The following MPDZ variants were observed in gnomAD, a reference collection of about 807,000 sequenced individuals.
MPDZ encodes multiple PDZ domain crumbs cell polarity complex component.
In MPDZ, 234 loss-of-function variants were observed where a neutral mutation model predicts 239.1. That is an observed-to-expected ratio of 0.98 (90% CI 0.88 to 1.09). The LOEUF (loss-of-function observed/expected upper bound fraction) is 1.09. Ranked by LOEUF, MPDZ falls within the 50% of genes least tolerant of loss-of-function variation. The pLI is 0.00. For missense variants in MPDZ, 3,175 were observed against 2,510.0 expected, an observed-to-expected ratio of 1.26 and a Z score of -5.66; for synonymous variants, 1,048 against 881.3, an observed-to-expected ratio of 1.19 and a Z score of -3.35.
intron 19 of MPDZ, among the ~76,000 whole-genome samples, chr9:13,182,207 T>G (rs1037109042): frequency 3.9e-5 from 6 of 152,064 alleles, no homozygotes; most frequent in African/African-American, 1.4e-4. Context: ...AAAATACATA[T>G]TTCGTATATT....
At chr9:13,119,354 G>A in intron 39 of MPDZ, 148 bp downstream of exon 39, 1 of 936,656 alleles carries the variant, frequency 1.1e-6, no homozygotes, top group Non-Finnish European at 1.5e-6. Context: ...CAAAATGCTG[G>A]GATTATAGGC....
intron 13 of MPDZ, 33 bp from the exon 14 acceptor site, chr9:13,193,346 T>A: frequency 6.4e-7 from 1 of 1,563,538 alleles, no homozygotes; most frequent in Non-Finnish European, 8.6e-7. Flanking sequence ...CACCACAATT[T>A]TTATATTCTT....
intron 13 of MPDZ, among the ~76,000 whole-genome samples, chr9:13,194,349 T>C (rs1003725378): frequency 1.3e-5 from 2 of 151,876 alleles, no homozygotes; most frequent in African/African-American, 4.8e-5. Context: ...ATATACACCA[T>C]GGAATACTAC....
chr9:13,144,414 TA>T (rs767815432), intron 26 of MPDZ, among the ~76,000 whole-genome samples: 55 of 149,522 alleles, frequency 3.7e-4, no homozygotes, highest in East Asian at 9.8e-4. Flanking sequence ...TTTCATAGTT[TA>T]AAAAAAAAAG....
rs143933674 is a variant in MPDZ, at chr9:13,216,059, T to A, written c.1290+715A>T. ...CTGTCTTCAATTTTTCTATGTGCAC[T>A]GTGAATTCATACAAGACTATATTGT... On this transcript the variant is annotated intron_variant, in intron 10 of 46. Coordinates refer to ENST00000319217, the MANE Select transcript of MPDZ (RefSeq NM_001378778.1). Among the ~76,000 whole-genome samples, 283 of 150,080 alleles carry A rather than the reference T, an allele frequency of 1.9e-3. 1 individual carries two copies. The highest frequency in any genetic ancestry group is 6.7e-3 in the African/African-American group (275 of 41,070).
chr9:13,268,582 G>C (rs1180595139), intron 1 of MPDZ, among the ~76,000 whole-genome samples: 1 of 152,122 alleles, frequency 6.6e-6, no homozygotes, highest in African/African-American at 2.4e-5. Flanking sequence ...TCCGAGTACA[G>C]AGGAATTCAA....
chr9:13,279,201 G>C (rs1175596614), intron 1 of MPDZ, 199 bp downstream of exon 1: 2 of 145,430 alleles, frequency 1.4e-5, no homozygotes, highest in Non-Finnish European at 3.1e-5. Context: ...GGGCCGCGCG[G>C]GGTGGGGCAA....
chr9:13,192,204 C>T lies in MPDZ; in HGVS notation c.1895G>A (p.Arg632His), dbSNP rs950413889. 8 of 1,610,554 alleles carry T rather than the reference C, an allele frequency of 5.0e-6. No homozygotes were observed. Among genetic ancestry groups the T allele is most frequent in the South Asian group, 1.1e-5 (1 of 90,410 alleles). The change falls in exon 15 of 47, where the codon CGT (arginine) becomes CAT (histidine). Residue 632 changes from arginine (R) to histidine (H), a missense_variant. Physicochemically the swap from Arg to His is conservative, Grantham distance 29 (BLOSUM62 0). Coordinates refer to ENST00000319217, the MANE Select transcript of MPDZ (RefSeq NM_001378778.1). ...LPIEVTMVCC[R>H]RTVPPTTQSE... ...TTGGGTGGTGGGTGGCACAGTTCGA[C>T]GACAGCACACCATTGTCACTTCTAT...
chr9:13,124,574 A>T (rs1016564704), intron 35 of MPDZ, among the ~76,000 whole-genome samples: 1 of 152,186 alleles, frequency 6.6e-6, no homozygotes, highest in Non-Finnish European at 1.5e-5. Context: ...CAAAGGAATA[A>T]TGTACCTCCA....
chr9:13,198,737 CTGTGTG>C (rs1554691393), intron 12 of MPDZ, among the ~76,000 whole-genome samples: 19 of 69,754 alleles, frequency 2.7e-4, no homozygotes, highest in African/African-American at 5.0e-4. Context: ...ATCTCTCTCT[CTGTGTG>C]TGTGTGTGTG....
chr9:13,253,535 C>A (rs1052147040), intron 1 of MPDZ, among the ~76,000 whole-genome samples: 1 of 152,084 alleles, frequency 6.6e-6, no homozygotes, highest in Non-Finnish European at 1.5e-5. Context: ...CCACGAATTC[C>A]TCTTGTCACC....
intron 23 of MPDZ, among the ~76,000 whole-genome samples, chr9:13,158,479 A>C (rs1243780480): frequency 6.6e-6 from 1 of 152,180 alleles, no homozygotes; most frequent in Admixed American, 6.6e-5. Flanking sequence ...GCAGGAAGCT[A>C]GAAGCACCAT....
chr9:13,216,986 G>T lies in MPDZ; in HGVS notation c.1202-124C>A, dbSNP rs140422846. ...TACGTATCATCTAGTAGAAACACAG[G>T]CTAAAGAATAAGATAATTGTTTTGT... On this transcript the variant is annotated intron_variant, in intron 9 of 46. Transcript: ENST00000319217. 1,226 of 809,250 alleles carry T rather than the reference G, an allele frequency of 1.5e-3. 14 individuals are homozygous for T. In the African/African-American group the frequency reaches 0.017, roughly 11 times the overall value. 50.1% of individuals were successfully genotyped at this position (809,250 alleles called of 1,614,324 possible).
At chr9:13,272,723 A>G (rs1973283180) in intron 1 of MPDZ, among the ~76,000 whole-genome samples, 1 of 148,060 alleles carries the variant, frequency 6.8e-6, no homozygotes, top group South Asian at 2.1e-4. Flanking sequence ...AAAAAAAAAG[A>G]AGAACAAAAG....
chr9:13,276,221 A>T (rs1974156509), intron 1 of MPDZ, among the ~76,000 whole-genome samples: 1 of 152,198 alleles, frequency 6.6e-6, no homozygotes, highest in African/African-American at 2.4e-5. Context: ...AATACCTCGG[A>T]TCTTCTCTGG....
intron 12 of MPDZ, among the ~76,000 whole-genome samples, chr9:13,204,610 T>C (rs555787950): frequency 2.3e-4 from 35 of 152,258 alleles, no homozygotes; most frequent in African/African-American, 1.4e-4. Flanking sequence ...CAAAATTGAA[T>C]AGTCTCATTC....
In MPDZ at chr9:13,119,558, C is replaced by T. The variant is rs1944018541; in HGVS notation, c.5323G>A (p.Val1775Met). ...GCATTACGAACGTCTTCCCCATTCA[C>T]CATTAATATCTGGTCTCCCTGCATC... Reference protein sequence around the residue: ...RLMQGDQILMVNGEDVRNATQ... With the variant: ...RLMQGDQILMMNGEDVRNATQ... The change falls in exon 39 of 47, where the codon GTG (valine) becomes ATG (methionine). Residue 1775 changes from valine to methionine, a missense_variant. Val to Met is a conservative substitution (Grantham distance 21). Transcript: ENST00000319217. 6.2e-7 allele frequency: 1 copy of T among 1,613,842 alleles called. No homozygotes were observed. Among genetic ancestry groups the T allele is most frequent in the South Asian group, 1.1e-5 (1 of 91,064 alleles).
intron 44 of MPDZ, 124 bp downstream of exon 44, chr9:13,110,512 G>A (rs1035737222): frequency 4.1e-6 from 3 of 726,236 alleles, no homozygotes; most frequent in African/African-American, 3.5e-5. Context: ...AATCATTTAT[G>A]TTCAAGAGAA....
chr9:13,246,049 T>G (rs1966512505), intron 3 of MPDZ, among the ~76,000 whole-genome samples: 1 of 4,900 alleles, frequency 2.0e-4, no homozygotes, highest in Admixed American at 3.6e-3. Flanking sequence ...CTGTTCAACT[T>G]CTTTACACTC....
Sources: allele counts gnomAD v4.1 joint callset (sites outside exome capture counted in the v4.1 genomes callset), GRCh38; gene constraint gnomAD v4.1.1; transcripts MANE v1.5; gene names NCBI Gene and HGNC (gene_info 2026-07-23, HGNC 2026-07-21).